The following DPY19L2 variants were observed in gnomAD, a reference collection of about 807,000 sequenced individuals.
DPY19L2 encodes dpy-19 like 2.
A neutral mutation model predicts 97.9 loss-of-function variants in DPY19L2; 34 were observed. The ratio of observed to expected loss-of-function variants is 0.35; its 90% CI spans 0.26 to 0.46. The LOEUF is 0.46. DPY19L2 is among the 20% of genes least tolerant of loss of function. The probability of loss-of-function intolerance (pLI) is 1.00; values close to 1 mark genes in which losing one functional copy is unlikely to be tolerated. For missense variants in DPY19L2, 623 were observed against 911.4 expected (o/e 0.68, Z 4.07); for synonymous variants, 230 against 307.9 (o/e 0.75, Z 2.65).
intron 6 of DPY19L2, among the ~76,000 whole-genome samples, chr12:63,634,761 A>G (rs1891364219): frequency 1.3e-5 from 2 of 152,186 alleles, no homozygotes; most frequent in South Asian, 4.1e-4. Flanking sequence ...CTGAGGCTTG[A>G]GTAGGTAAAC....
At chr12:63,601,191 T>A (rs1885133342) in intron 12 of DPY19L2, among the ~76,000 whole-genome samples, 2 of 152,208 alleles carry the variant, frequency 1.3e-5, no homozygotes, top group Non-Finnish European at 2.9e-5. Flanking sequence ...AAATCCATTT[T>A]TTAAAACACT....
At chr12:63,658,365 C>A (rs1895236323) in intron 4 of DPY19L2, among the ~76,000 whole-genome samples, 1 of 151,974 alleles carries the variant, frequency 6.6e-6, no homozygotes, top group South Asian at 2.1e-4. Context: ...CGTGGTGGCG[C>A]ACATCTGTAA....
At chr12:63,621,876 A>G (rs1464737496) in intron 8 of DPY19L2, among the ~76,000 whole-genome samples, 3 of 152,192 alleles carry the variant, frequency 2.0e-5, no homozygotes, top group African/African-American at 7.2e-5. Context: ...TAAATTGTCC[A>G]TTCTGCATTA....
intron 4 of DPY19L2, among the ~76,000 whole-genome samples, chr12:63,656,830 A>G (rs1895033810): frequency 6.6e-6 from 1 of 151,942 alleles, no homozygotes; most frequent in Non-Finnish European, 1.5e-5. Flanking sequence ...AGCTCATGTA[A>G]GGCATTTTTT....
intron 4 of DPY19L2, among the ~76,000 whole-genome samples, chr12:63,653,317 T>C (rs985700281): frequency 1.3e-5 from 2 of 151,956 alleles, no homozygotes; most frequent in South Asian, 2.1e-4. Flanking sequence ...TCCCAGCAGT[T>C]TGGGTGGCCA....
chr12:63,597,815 T>A lies in DPY19L2; in HGVS notation c.1455A>T (p.Glu485Asp). The A allele has an allele frequency of 6.2e-7, 1 of 1,606,594 alleles. No homozygotes were observed. Among genetic ancestry groups the A allele is most frequent in the African/African-American group, 1.3e-5 (1 of 74,660 alleles). Residue 485 changes from glutamate (E) to aspartate (D), a missense_variant, in exon 14 of 22, where the codon GAA becomes GAT. Transcript: ENST00000324472. Reference sequence around the variant, plus strand: ...AAAAAAGAAACATTCATACCGCTTTTTCCATGAAGTCAAATTCGGGAGCAC... The same window carrying A: ...AAAAAAGAAACATTCATACCGCTTTATCCATGAAGTCAAATTCGGGAGCAC... ...YTCAPEFDFM[E>D]KATPLRYTKT... is the part of the protein sequence containing the mutation.
At chr12:63,611,777 T>C (rs1339888320) in intron 11 of DPY19L2, among the ~76,000 whole-genome samples, 1 of 152,024 alleles carries the variant, frequency 6.6e-6, no homozygotes, top group African/African-American at 2.4e-5. Context: ...CATGAACCAC[T>C]GAACAATTTC....
chr12:63,652,328 T>C (rs2939866), intron 4 of DPY19L2, among the ~76,000 whole-genome samples: 1 of 152,166 alleles, frequency 6.6e-6, no homozygotes, highest in East Asian at 1.9e-4. Context: ...CTGGTGGGAA[T>C]GTAAACTAGT....
intron 6 of DPY19L2, among the ~76,000 whole-genome samples, chr12:63,638,816 C>T (rs1258332664): frequency 1.3e-5 from 2 of 152,130 alleles, no homozygotes; most frequent in Admixed American, 6.5e-5. Flanking sequence ...CCCCATCAAG[C>T]TACCAATGAC....
At chr12:63,667,486 C>T (rs902684973) in intron 1 of DPY19L2, among the ~76,000 whole-genome samples, 5 of 152,118 alleles carry the variant, frequency 3.3e-5, no homozygotes, top group Admixed American at 6.5e-5. Context: ...CAAGCTGTGA[C>T]AGAAGAATGT....
intron 11 of DPY19L2, among the ~76,000 whole-genome samples, chr12:63,610,876 C>CCG (rs1555195818): frequency 1.7e-4 from 5 of 29,666 alleles, no homozygotes; most frequent in Non-Finnish European, 3.6e-4. Context: ...AAAAAAAAAA[C>CCG]CACACACACA....
chr12:63,655,698 T>A (rs1301051908), intron 4 of DPY19L2, among the ~76,000 whole-genome samples: 2 of 151,910 alleles, frequency 1.3e-5, no homozygotes, highest in African/African-American at 2.4e-5. Flanking sequence ...CCCCCAGCAG[T>A]TTAAGATAAG....
chr12:63,603,682 C>T (rs3965258), intron 12 of DPY19L2, among the ~76,000 whole-genome samples: 1 of 152,004 alleles, frequency 6.6e-6, no homozygotes, highest in South Asian at 2.1e-4. Flanking sequence ...CCATCCATGT[C>T]CCTGTCAAGG....
chr12:63,612,492 T>G (rs1254647042), intron 11 of DPY19L2, among the ~76,000 whole-genome samples: 1 of 151,292 alleles, frequency 6.6e-6, no homozygotes, highest in African/African-American at 2.4e-5. Flanking sequence ...TATCAAAATA[T>G]GTGGGATGTT....
chr12:63,653,212 A>T (rs1248453372), intron 4 of DPY19L2, among the ~76,000 whole-genome samples: 2 of 152,090 alleles, frequency 1.3e-5, no homozygotes, highest in Non-Finnish European at 2.9e-5. Flanking sequence ...CATTCATGTC[A>T]TTGGAGTCTT....
Position 63,586,867 on chromosome 12 carries a change from G to A in DPY19L2, c.1581-3031C>T, listed in dbSNP as rs7956559. Among the ~76,000 whole-genome samples, 72 of 152,080 alleles carry A rather than the reference G, an allele frequency of 4.7e-4. 1 individual carries two copies. The highest frequency in any genetic ancestry group is 1.9e-4 in the Non-Finnish European group (13 of 68,000). On this transcript the variant is annotated intron_variant, in intron 16 of 21. Transcript: ENST00000324472. Reference sequence around the variant, plus strand: ...AATGGGATATAGCTAACAATTCAGCGAGTATCAAGAAAATAATTTTTGAAA... The same window carrying A: ...AATGGGATATAGCTAACAATTCAGCAAGTATCAAGAAAATAATTTTTGAAA...
At chr12:63,636,491 T>A (rs1891722001) in intron 6 of DPY19L2, among the ~76,000 whole-genome samples, 1 of 151,968 alleles carries the variant, frequency 6.6e-6, no homozygotes, top group Admixed American at 6.6e-5. Context: ...GCAAATTGGA[T>A]CAAGATCAAG....
At chr12:63,649,078 T>C (rs941437374) in intron 4 of DPY19L2, among the ~76,000 whole-genome samples, 3 of 152,064 alleles carry the variant, frequency 2.0e-5, no homozygotes, top group Non-Finnish European at 4.4e-5. Context: ...CCTGAATGAC[T>C]TTCTGAGTCA....
Position 63,633,302 on chromosome 12 carries a change from G to A in DPY19L2, c.804-6776C>T, listed in dbSNP as rs1489095754. ...AACCTACAGAATGGGAGAAATTTTT[G>A]CAATCTACTCATCTGACAAAGGGCT... On this transcript the variant is annotated intron_variant, in intron 6 of 21. Coordinates refer to ENST00000324472, the MANE Select transcript of DPY19L2 (RefSeq NM_173812.5). Among the ~76,000 whole-genome samples, 5 of 152,088 alleles carry A rather than the reference G, an allele frequency of 3.3e-5. 1 individual carries two copies. Among genetic ancestry groups the A allele is most frequent in the East Asian group, 1.9e-4 (1 of 5,194 alleles).
Sources: gnomAD v4.1 joint callset for allele counts (sites outside exome capture counted in the v4.1 genomes callset) on GRCh38, gnomAD v4.1.1 for gene constraint, MANE v1.5 for transcripts, NCBI Gene and HGNC (gene_info 2026-07-23, HGNC 2026-07-21) for gene names.